Variants in HIF3A observed in about 807,000 individuals in gnomAD.
HIF3A encodes hypoxia inducible factor 3 subunit alpha, also known as hypoxia-inducible factor 3-alpha.
HIF3A carries 41 observed loss-of-function variants against 67.2 expected under a neutral mutation model. The observed-to-expected ratio is 0.61, with a 90% confidence interval of 0.48 to 0.79. The LOEUF is 0.79. Ranked by LOEUF, HIF3A falls within the 30% of genes least tolerant of loss-of-function variation. The pLI is 0.00. For synonymous variants in HIF3A, 356 were observed against 374.8 expected (o/e 0.95, Z 0.58); for missense variants, 855 against 898.0 (o/e 0.95, Z 0.61).
chr19:46,308,216 G>A lies in HIF3A; in HGVS notation c.364-5G>A. 6.2e-7 allele frequency: 1 copy of A among 1,611,548 alleles called. No homozygotes were observed. On this transcript the variant is annotated splice_region_variant and splice_polypyrimidine_tract_variant and intron_variant, in intron 3 of 14. Transcript: ENST00000377670. ...GTAGACCCCCACCCCTCTCATCCCT[G>A]GCAGCTGGAGCTCATTGGACACAGC...
At chr19:46,318,549 A>C (rs1253495208) in intron 8 of HIF3A, among the ~76,000 whole-genome samples, 2 of 74,832 alleles carry the variant, frequency 2.7e-5, no homozygotes, top group East Asian at 4.7e-4. Context: ...ATCCTGTCTC[A>C]AAAAAAAAAA....
At chr19:46,328,182 A>C (rs147416966) in intron 11 of HIF3A, among the ~76,000 whole-genome samples, 104 of 152,320 alleles carry the variant, frequency 6.8e-4, no homozygotes, top group African/African-American at 2.3e-3. Flanking sequence ...TCTCATTAGC[A>C]AAAACTATCT....
intron 9 of HIF3A, among the ~76,000 whole-genome samples, chr19:46,321,166 G>A (rs1001785436): frequency 6.6e-6 from 1 of 152,138 alleles, no homozygotes; most frequent in Non-Finnish European, 1.5e-5. Context: ...CCTCCTTGAG[G>A]GCTTGGGGCC....
intron 14 of HIF3A, among the ~76,000 whole-genome samples, chr19:46,336,422 A>G (rs1196764341): frequency 6.6e-6 from 1 of 151,808 alleles, no homozygotes; most frequent in Non-Finnish European, 1.5e-5. Flanking sequence ...GCTGGAGTGC[A>G]GTGGTGCACT....
chr19:46,304,118 T>C, intron 2 of HIF3A, 30 bp downstream of exon 2: 1 of 1,536,852 alleles, frequency 6.5e-7, no homozygotes, highest in Non-Finnish European at 8.8e-7. Context: ...ATTCCCGTCT[T>C]GGTCAGGCCC....
chr19:46,330,520 T>G (rs1007964689), intron 12 of HIF3A, among the ~76,000 whole-genome samples: 5 of 145,280 alleles, frequency 3.4e-5, no homozygotes, highest in African/African-American at 1.3e-4. Context: ...GGATGGATAG[T>G]TGGATGGATG....
chr19:46,320,628 C>T, intron 9 of HIF3A, 67 bp downstream of exon 9: 2 of 1,201,602 alleles, frequency 1.7e-6, no homozygotes, highest in Non-Finnish European at 2.4e-6. Flanking sequence ...GCCCAAGCAC[C>T]TTAACATGGC....
chr19:46,305,371 A>G lies in HIF3A; in HGVS notation c.344A>G (p.Lys115Arg). The change falls in exon 3 of 15, where the codon AAA becomes AGA. Residue 115 changes from lysine to arginine, a missense_variant. This residue lies in a region of HIF3A where 638 missense variants were observed against 660.5 expected (regional missense o/e 0.97). Transcript: ENST00000377670. Reference sequence around the variant, plus strand: ...GCTTACCTGTCGGAGAATGTCAGCAAACACCTGGGCCTCAGTCAGGTGAGA... The same window carrying G: ...GCTTACCTGTCGGAGAATGTCAGCAGACACCTGGGCCTCAGTCAGGTGAGA... ...DMAYLSENVS[K>R]HLGLSQLELI... is the part of the protein sequence containing the mutation. 1 of 1,613,966 alleles carries G rather than the reference A, an allele frequency of 6.2e-7. No individual in the cohort carries two copies. Among genetic ancestry groups the G allele is most frequent in the Non-Finnish European group, 8.5e-7 (1 of 1,180,006 alleles).
chr19:46,312,046 C>T (rs1969472294), intron 6 of HIF3A, 115 bp from the exon 7 acceptor site: 1 of 824,938 alleles, frequency 1.2e-6, no homozygotes, highest in African/African-American at 1.7e-5. Flanking sequence ...CGGTTACAAT[C>T]CTTCTCGACA....
rs1233074100 is a variant in HIF3A, at chr19:46,329,445, C to T, written c.1679C>T (p.Ser560Leu). Residue 560 changes from serine to leucine, a missense_variant, in exon 12 of 15, where the codon TCA (serine) becomes TTA (leucine). Ser to Leu is a moderately radical substitution (Grantham distance 145). Coordinates refer to ENST00000377670, the MANE Select transcript of HIF3A (RefSeq NM_152795.4). ...SCSSPSRGDP[S>L]ASSPMAGARK... is the part of the protein sequence containing the mutation. Reference sequence around the variant, plus strand: ...TCCAGCCCTTCCAGAGGGGACCCCTCAGCATCCTCTCCCATGGCTGGGGCT... The same window carrying T: ...TCCAGCCCTTCCAGAGGGGACCCCTTAGCATCCTCTCCCATGGCTGGGGCT... 7 of 1,549,302 alleles carry T rather than the reference C, an allele frequency of 4.5e-6. No individual in the cohort carries two copies. Among genetic ancestry groups the T allele is most frequent in the Non-Finnish European group, 5.2e-6 (6 of 1,146,662 alleles).
rs1971955472 is a variant in HIF3A at position 46,342,117 on chromosome 19, T to C, written c.*2495T>C. 1 of 152,228 alleles carries C rather than the reference T, an allele frequency of 6.6e-6. No homozygotes were observed. The allele number at this position is 152,228 out of a possible 1,614,324, so 9.4% of individuals were successfully genotyped here. ...TGGTGATCTGCTGTTTCTCTGGTTC[T>C]AGAACTGACTTACAAGTGCCTTCTG... On this transcript the variant is annotated 3_prime_UTR_variant, in exon 15 of 15. Coordinates refer to ENST00000377670, the MANE Select transcript of HIF3A (RefSeq NM_152795.4).
At chr19:46,325,481 T>TATC in intron 10 of HIF3A, 54 bp from the exon 11 acceptor site, 3 of 1,305,058 alleles carry the variant, frequency 2.3e-6, no homozygotes, top group Admixed American at 1.7e-5. Flanking sequence ...TGTCTTAATG[T>TATC]TGATACCTCC....
At chr19:46,311,780 G>A (rs1695171288) in intron 6 of HIF3A, among the ~76,000 whole-genome samples, 1 of 152,180 alleles carries the variant, frequency 6.6e-6, no homozygotes, top group Non-Finnish European at 1.5e-5. Context: ...AGGATTGCTT[G>A]AGCCTGGGAG....
At chr19:46,312,135 C>T (rs781569031) in intron 6 of HIF3A, 26 bp from the exon 7 acceptor site, 3 of 1,580,034 alleles carry the variant, frequency 1.9e-6, no homozygotes, top group Non-Finnish European at 2.6e-6. Context: ...GCATCCTGAC[C>T]AGACCCCACT....
chr19:46,298,203 T>TC, intron 1 of HIF3A: 1 of 314,388 alleles, frequency 3.2e-6, no homozygotes, highest in Non-Finnish European at 6.3e-6. Flanking sequence ...CCCATGTTTC[T>TC]AACCGCCCCC....
chr19:46,318,548 CAAAAAAAAAAAAA>C (rs908312286), intron 8 of HIF3A, among the ~76,000 whole-genome samples: 1 of 54,084 alleles, frequency 1.8e-5, no homozygotes, highest in African/African-American at 7.3e-5. Flanking sequence ...GATCCTGTCT[CAAAAAAAAAAAAA>C]AAAAAAAAAG....
intron 8 of HIF3A, among the ~76,000 whole-genome samples, chr19:46,319,388 G>A (rs1037214364): frequency 6.6e-6 from 1 of 152,114 alleles, no homozygotes; most frequent in African/African-American, 2.4e-5. Context: ...GGGTTATGCA[G>A]ATGAGATACA....
At position 46,341,222 on chromosome 19, in the gene HIF3A, CAG is replaced by C. The variant is rs1280735673; in HGVS notation, c.*1603_*1604del. 1.5e-5 allele frequency: 2 copies of C among 135,616 alleles called. No homozygotes were observed. Among genetic ancestry groups the C allele is most frequent in the East Asian group, 4.4e-4 (2 of 4,590 alleles). The allele number at this position is 135,616 out of a possible 1,614,324, so 8.4% of individuals were successfully genotyped here. A position where few individuals can be genotyped will look rare whatever the true frequency, so the allele number is the denominator to read the frequency against. ...TCTTTTTTTTTTTTTTTTTTTGAGA[CAG>C]AGTCCCACTCTGTCACCCAGGCTGG... On this transcript the variant is annotated 3_prime_UTR_variant, in exon 15 of 15. Transcript: ENST00000377670.
intron 8 of HIF3A, chr19:46,312,873 A>T (rs2147179835): frequency 1.2e-5 from 12 of 1,000,718 alleles, no homozygotes; most frequent in Admixed American, 6.1e-5. Context: ...ATGGGTGTGT[A>T]GACTGTTAAT....
Sources: gnomAD v4.1 joint callset for allele counts (sites outside exome capture counted in the v4.1 genomes callset) on GRCh38, gnomAD v4.1.1 for gene constraint, gnomAD v4.1.1 regional missense constraint, MANE v1.5 for transcripts, NCBI Gene and HGNC (gene_info 2026-07-23, HGNC 2026-07-21) for gene names.